TDRP: variants seen among roughly 807,000 people sequenced by gnomAD.
The protein encoded by TDRP is testis development-related protein.
TDRP carries 12 observed loss-of-function variants against 10.5 expected under a neutral mutation model. The ratio of observed to expected loss-of-function variants is 1.15; its 90% CI spans 0.73 to 1.86. The LOEUF (loss-of-function observed/expected upper bound fraction) is 1.86, where lower values mean the gene tolerates loss of function less well. Ranked by LOEUF, TDRP falls within the 40% of genes most tolerant of loss-of-function variation. The probability of loss-of-function intolerance (pLI) is 0.00; values close to 1 mark genes in which losing one functional copy is unlikely to be tolerated. For synonymous variants in TDRP, 139 were observed against 95.4 expected (o/e 1.46, Z -2.67); for missense variants, 353 against 229.2 (o/e 1.54, Z -3.49).
At chr8:525,674 C>A (rs1344597612) in intron 1 of TDRP, among the ~76,000 whole-genome samples, 1 of 151,392 alleles carries the variant, frequency 6.6e-6, no homozygotes, top group Non-Finnish European at 1.5e-5. Context: ...AACCTCAAAT[C>A]AAAAAACATA....
intron 1 of TDRP, among the ~76,000 whole-genome samples, chr8:502,149 G>GT (rs1342777341): frequency 2.0e-5 from 3 of 152,246 alleles, no homozygotes; most frequent in Non-Finnish European, 4.4e-5. Flanking sequence ...ACAGGCTAAG[G>GT]TTTCAATTAC....
At chr8:506,208 T>C (rs1421557197) in intron 1 of TDRP, among the ~76,000 whole-genome samples, 1 of 152,234 alleles carries the variant, frequency 6.6e-6, no homozygotes, top group Non-Finnish European at 1.5e-5. Flanking sequence ...TCTCTGGAAA[T>C]GCTCCCAAGG....
At chr8:536,913 A>G (rs1451275830) in intron 1 of TDRP, among the ~76,000 whole-genome samples, 2 of 152,092 alleles carry the variant, frequency 1.3e-5, no homozygotes, top group Non-Finnish European at 2.9e-5. Context: ...ACCCACAGAG[A>G]CTTGACTCAA....
intron 1 of TDRP, among the ~76,000 whole-genome samples, chr8:537,328 C>G (rs911489189): frequency 5.2e-4 from 79 of 152,300 alleles, no homozygotes; most frequent in African/African-American, 1.9e-3. Flanking sequence ...GTCCCAGGAC[C>G]CTCCTGCCTG....
At chr8:525,584 T>G (rs1181951658) in intron 1 of TDRP, among the ~76,000 whole-genome samples, 1 of 152,212 alleles carries the variant, frequency 6.6e-6, no homozygotes, top group Non-Finnish European at 1.5e-5. Context: ...TTACTAGTTT[T>G]TGCTCGTTTT....
Position 492,697 on chromosome 8 carries a change from C to T in TDRP, c.260G>A (p.Gly87Glu), listed in dbSNP as rs1427113940. The change falls in exon 3 of 3, where the codon GGA becomes GAA. Residue 87 changes from glycine (G) to glutamate (E), a missense_variant. Physicochemically the swap from Gly to Glu is moderately conservative, Grantham distance 98. Transcript: ENST00000324079. ...TTTTAAAACCAAATTGTCCCAAAATCCAGATTTCTTCTCTGCCTTCAACTC... is the reference window on the plus strand; with the variant it reads ...TTTTAAAACCAAATTGTCCCAAAATTCAGATTTCTTCTCTGCCTTCAACTC... The part of the protein sequence containing the change: ...KEELKAEKKS[G>E]FWDNLVLKQN... The T allele has an allele frequency of 2.5e-6, 4 of 1,613,856 alleles. No homozygotes were observed. In the South Asian group the frequency reaches 3.3e-5, roughly 13 times the overall value.
Position 544,804 on chromosome 8 carries a change from C to G in TDRP, c.-47G>C, listed in dbSNP as rs10105131. ...CCTCCGTCCGTGCGTCGGGCTGTGG[C>G]TCCGCGTCCCTCCCGGCCGCCGGAC... On this transcript the variant is annotated 5_prime_UTR_variant, in exon 1 of 3. Coordinates refer to ENST00000324079, the MANE Select transcript of TDRP (RefSeq NM_001384899.1). The G allele has an allele frequency of 0.73, 878,526 of 1,203,216 alleles. 321,360 individuals carry two copies. The highest frequency in any genetic ancestry group is 0.78 in the Admixed American group (18,203 of 23,332). The allele number at this position is 1,203,216 out of a possible 1,614,324, so 74.5% of individuals were successfully genotyped here.
chr8:543,322 A>T (rs1194139586), intron 1 of TDRP, among the ~76,000 whole-genome samples: 2 of 152,196 alleles, frequency 1.3e-5, no homozygotes, highest in Non-Finnish European at 2.9e-5. Flanking sequence ...CAAAATAAAA[A>T]ATAAAAACTT....
chr8:503,676 C>A (rs1000803358), intron 1 of TDRP, among the ~76,000 whole-genome samples: 7 of 146,384 alleles, frequency 4.8e-5, no homozygotes, highest in African/African-American at 1.3e-4. Context: ...CACACACCAA[C>A]ACGGAATCCA....
chr8:533,754 C>T (rs924748383), intron 1 of TDRP, among the ~76,000 whole-genome samples: 3 of 152,140 alleles, frequency 2.0e-5, no homozygotes, highest in Non-Finnish European at 4.4e-5. Flanking sequence ...TTCTATCCCC[C>T]TCCCCCGATC....
At chr8:505,194 G>C (rs1256690275) in intron 1 of TDRP, among the ~76,000 whole-genome samples, 1 of 152,160 alleles carries the variant, frequency 6.6e-6, no homozygotes, top group Non-Finnish European at 1.5e-5. Flanking sequence ...ACCTAAAACA[G>C]CTATAGCCAC....
intron 1 of TDRP, 47 bp downstream of exon 1, chr8:544,603 T>C (rs769868971): frequency 8.4e-7 from 1 of 1,187,868 alleles, no homozygotes; most frequent in East Asian, 3.2e-5. Flanking sequence ...GCCCTCCACC[T>C]GCGCGCCCCC....
rs556058106 is a variant in TDRP, at chr8:524,015, T to A, written c.108+20635A>T. ...GAGCGAGATCCAGAGCTGTCCTAGC[T>A]TCTGGTCTGAATCAGCACAGTCCCA... On this transcript the variant is annotated intron_variant, in intron 1 of 2. Coordinates refer to ENST00000324079, the MANE Select transcript of TDRP (RefSeq NM_001384899.1). Among the ~76,000 whole-genome samples the A allele has an allele frequency of 1.5e-3, 224 of 152,352 alleles. 1 individual carries two copies. Among genetic ancestry groups the A allele is most frequent in the African/African-American group, 5.0e-3 (208 of 41,594 alleles).
chr8:518,893 T>A (rs1305094402), intron 1 of TDRP, among the ~76,000 whole-genome samples: 1 of 152,214 alleles, frequency 6.6e-6, no homozygotes, highest in Non-Finnish European at 1.5e-5. Flanking sequence ...TCTTTATCCT[T>A]GGTTCCTGAC....
At chr8:545,414 C>A (rs944962400), upstream of TDRP, among the ~76,000 whole-genome samples, 1 of 148,914 alleles carries the variant, frequency 6.7e-6, no homozygotes, top group African/African-American at 2.5e-5. Flanking sequence ...CTCCTTCTCC[C>A]CCGCCGACCC....
chr8:543,230 T>C (rs1461849955), intron 1 of TDRP, among the ~76,000 whole-genome samples: 3 of 152,006 alleles, frequency 2.0e-5, no homozygotes, highest in African/African-American at 7.3e-5. Flanking sequence ...GAGAATAGCT[T>C]GAGCCCAGGC....
chr8:490,535 G>A lies in TDRP; in HGVS notation c.*1864C>T, dbSNP rs1800939937. The A allele has an allele frequency of 6.6e-6, 1 of 152,210 alleles. No individual in the cohort carries two copies. The highest frequency in any genetic ancestry group is 1.5e-5 in the Non-Finnish European group (1 of 68,034). 9.4% of individuals were successfully genotyped at this position (152,210 alleles called of 1,614,324 possible). A position where few individuals can be genotyped will look rare whatever the true frequency, so the allele number is the denominator to read the frequency against. ...CGTGATTTCCAGAGTTTCAAACACA[G>A]TGTTTACATTCCTGCGCAGCAAGAC... On this transcript the variant is annotated 3_prime_UTR_variant, in exon 3 of 3. Transcript: ENST00000324079.
At chr8:522,066 T>C (rs1801919509) in intron 1 of TDRP, among the ~76,000 whole-genome samples, 1 of 152,246 alleles carries the variant, frequency 6.6e-6, no homozygotes. Context: ...TATTGTATCC[T>C]GCAACCTTGC....
intron 1 of TDRP, among the ~76,000 whole-genome samples, chr8:521,523 C>T (rs1248011250): frequency 2.0e-5 from 3 of 152,290 alleles, no homozygotes; most frequent in Admixed American, 2.0e-4. Context: ...ATCCAAGCAG[C>T]CCTGTTTAAG....
Sources: gnomAD v4.1 joint callset for allele counts (sites outside exome capture counted in the v4.1 genomes callset) on GRCh38, gnomAD v4.1.1 for gene constraint, MANE v1.5 for transcripts, NCBI Gene and HGNC (gene_info 2026-07-23, HGNC 2026-07-21) for gene names.